Variants in CDKL4 observed in about 807,000 individuals in gnomAD.
CDKL4 encodes cyclin dependent kinase like 4.
In CDKL4, 44 loss-of-function variants were observed where a neutral mutation model predicts 42.0. The ratio of observed to expected loss-of-function variants is 1.05; its 90% CI spans 0.82 to 1.35. The LOEUF is 1.35. CDKL4 is among the 40% of genes most tolerant of loss of function. The pLI is 0.00. For missense variants in CDKL4, 393 were observed against 369.9 expected (o/e 1.06, Z -0.51); for synonymous variants, 120 against 121.6 (o/e 0.99, Z 0.09).
At chr2:39,200,164 C>T (rs1676762044) in intron 5 of CDKL4, among the ~76,000 whole-genome samples, 1 of 152,086 alleles carries the variant, frequency 6.6e-6, no homozygotes, top group Non-Finnish European at 1.5e-5. Flanking sequence ...AATTAATGTA[C>T]ATAAATCAGT....
At chr2:39,233,940 G>C (rs1346750940) in intron 1 of CDKL4, among the ~76,000 whole-genome samples, 7 of 129,140 alleles carry the variant, frequency 5.4e-5, no homozygotes, top group Non-Finnish European at 1.1e-4. Context: ...TTGAGACAGA[G>C]TCTCGTTCTG....
At chr2:39,240,266 A>G (rs1454415165) in intron 1 of CDKL4, among the ~76,000 whole-genome samples, 2 of 151,304 alleles carry the variant, frequency 1.3e-5, no homozygotes, top group African/African-American at 4.9e-5. Flanking sequence ...AATAAAATAA[A>G]ATAAAATAAA....
chr2:39,176,373 G>A (rs1425104709), intron 9 of CDKL4, among the ~76,000 whole-genome samples: 1 of 152,106 alleles, frequency 6.6e-6, no homozygotes, highest in East Asian at 1.9e-4. Flanking sequence ...AAAGGTAGAT[G>A]CCCATCAGCT....
chr2:39,171,519 T>G (rs1332295564), downstream of CDKL4, among the ~76,000 whole-genome samples: 2 of 152,124 alleles, frequency 1.3e-5, no homozygotes, highest in African/African-American at 4.8e-5. Flanking sequence ...TTGGGGCAAG[T>G]TGGAACAATT....
rs3086271 is a variant in CDKL4, at chr2:39,225,404, C to CA, written c.290+434dup. ...TGGGCAACAAAGTAAGACTCCATCT[C>CA]AAAAAAAAAAAACTATTCTTTTAAT... On this transcript the variant is annotated intron_variant, in intron 3 of 9. Coordinates refer to ENST00000451199, the Ensembl canonical transcript of CDKL4. Among the ~76,000 whole-genome samples, 669 of 122,426 alleles carry CA rather than the reference C, an allele frequency of 5.5e-3. 3 individuals are homozygous for CA. The highest frequency in any genetic ancestry group is 0.014 in the African/African-American group (458 of 33,794). The allele number at this position is 122,426 out of a possible 152,430, so 80.3% of individuals were successfully genotyped here.
intron 1 of CDKL4, among the ~76,000 whole-genome samples, chr2:39,241,103 G>A (rs560885605): frequency 3.3e-5 from 5 of 152,284 alleles, no homozygotes; most frequent in South Asian, 2.1e-4. Flanking sequence ...TCTAAATTTC[G>A]ACTGCAGATT....
At chr2:39,178,677 C>T (rs1675269127) in intron 9 of CDKL4, 2 of 1,606,948 alleles carry the variant, frequency 1.2e-6, no homozygotes, top group Non-Finnish European at 1.7e-6. Context: ...AATTTGGTTC[C>T]CAGATGTCTG....
chr2:39,234,826 A>G (rs1679278401), intron 1 of CDKL4, among the ~76,000 whole-genome samples: 1 of 152,186 alleles, frequency 6.6e-6, no homozygotes, highest in African/African-American at 2.4e-5. Context: ...ATGAAAATCA[A>G]GGATTTTATA....
At position 39,243,861 on chromosome 2, in the gene CDKL4, C is replaced by G. The variant is rs1232560254; in HGVS notation, c.-57+10G>C. Among the ~76,000 whole-genome samples the G allele has an allele frequency of 6.6e-6, 1 of 152,262 alleles. No homozygotes were observed. The highest frequency in any genetic ancestry group is 2.4e-5 in the African/African-American group (1 of 41,474). ...GCAGTTCCCCCGCCACCGGCAGAAT[C>G]CGCACTTACTGCACCCACAGGGCGA... On this transcript the variant is annotated intron_variant, in intron 1 of 9. Transcript: ENST00000451199.
chr2:39,238,290 G>T (rs971678976), intron 1 of CDKL4, among the ~76,000 whole-genome samples: 1 of 152,088 alleles, frequency 6.6e-6, no homozygotes, highest in Non-Finnish European at 1.5e-5. Context: ...TAATTAGCCA[G>T]GGTCTAGTGG....
the CDKL4 span, among the ~76,000 whole-genome samples, chr2:39,170,277 C>G: frequency 2.3e-5 from 1 of 42,922 alleles, no homozygotes. Flanking sequence ...ACCCTGTCTC[C>G]AAAAAAAAAA....
intron 1 of CDKL4, among the ~76,000 whole-genome samples, chr2:39,238,441 CA>C (rs1376056754): frequency 6.6e-6 from 1 of 152,034 alleles, no homozygotes; most frequent in African/African-American, 2.4e-5. Context: ...TCTAAAAAGC[CA>C]AAATGAACAA....
upstream of CDKL4, among the ~76,000 whole-genome samples, chr2:39,246,147 AC>A (rs1679903147): frequency 6.6e-6 from 1 of 152,132 alleles, no homozygotes; most frequent in Non-Finnish European, 1.5e-5. Flanking sequence ...ACTTCCCTAA[AC>A]AGGTGACTCT....
At chr2:39,244,308 G>A (rs1041351079), upstream of CDKL4, among the ~76,000 whole-genome samples, 3 of 152,250 alleles carry the variant, frequency 2.0e-5, no homozygotes, top group Non-Finnish European at 4.4e-5. Flanking sequence ...GGCTGCGCAC[G>A]GCGCTTGCGG....
chr2:39,195,538 T>G (rs986059237), intron 5 of CDKL4, among the ~76,000 whole-genome samples: 2 of 152,218 alleles, frequency 1.3e-5, no homozygotes, highest in African/African-American at 4.8e-5. Flanking sequence ...TAACTGTGGT[T>G]TTGATTTGCA....
At chr2:39,224,941 A>G (rs1573014131) in intron 3 of CDKL4, among the ~76,000 whole-genome samples, 1 of 152,174 alleles carries the variant, frequency 6.6e-6, no homozygotes, top group South Asian at 2.1e-4. Flanking sequence ...GATCAGTAAT[A>G]TCTTGCAAAT....
intron 6 of CDKL4, among the ~76,000 whole-genome samples, chr2:39,188,358 C>T (rs745338515): frequency 1.5e-4 from 23 of 151,902 alleles, no homozygotes; most frequent in Admixed American, 9.8e-4. Flanking sequence ...GTCAAGAAAT[C>T]GAGACCATCC....
downstream of CDKL4, among the ~76,000 whole-genome samples, chr2:39,173,679 G>A (rs1675060114): frequency 6.6e-6 from 1 of 151,966 alleles, no homozygotes; most frequent in African/African-American, 2.4e-5. Context: ...GCGTGGTGGT[G>A]GGCGCCTGTA....
intron 2 of CDKL4, among the ~76,000 whole-genome samples, chr2:39,226,505 T>A (rs1288945772): frequency 2.0e-5 from 3 of 147,946 alleles, no homozygotes; most frequent in Non-Finnish European, 4.5e-5. Flanking sequence ...TCAGCATTGT[T>A]CTTTGATTCT....
Sources: gnomAD v4.1 joint callset for allele counts (sites outside exome capture counted in the v4.1 genomes callset) on GRCh38, gnomAD v4.1.1 for gene constraint, MANE v1.5 for transcripts, NCBI Gene and HGNC (gene_info 2026-07-23, HGNC 2026-07-21) for gene names.